The following CAST variants were observed in gnomAD, a reference collection of about 807,000 sequenced individuals.
CAST encodes MIR583 host.
In CAST, 76 loss-of-function variants were observed where a neutral mutation model predicts 119.6. The ratio of observed to expected loss-of-function variants is 0.64; its 90% CI spans 0.53 to 0.77. The LOEUF (loss-of-function observed/expected upper bound fraction) is 0.77, where lower values mean the gene tolerates loss of function less well. CAST is among the 30% of genes least tolerant of loss of function. The pLI is 0.00. For synonymous variants in CAST, 319 were observed against 331.6 expected (o/e 0.96, Z 0.41); for missense variants, 953 against 946.5 (o/e 1.01, Z -0.09).
chr5:96,444,871 A>G, the CAST span, among the ~76,000 whole-genome samples: 1 of 151,932 alleles, frequency 6.6e-6, no homozygotes, highest in African/African-American at 2.4e-5. Flanking sequence ...CCAGTTATCC[A>G]TGTTGCTAGA....
the CAST span, among the ~76,000 whole-genome samples, chr5:96,078,049 A>G: frequency 2.6e-5 from 4 of 152,190 alleles, no homozygotes; most frequent in Non-Finnish European, 5.9e-5. Context: ...TGTAACTATT[A>G]AATTGGTATA....
the CAST span, among the ~76,000 whole-genome samples, chr5:96,382,908 T>A: frequency 6.6e-6 from 1 of 152,114 alleles, no homozygotes; most frequent in African/African-American, 2.4e-5. Flanking sequence ...GGCTTCCCAA[T>A]TTCTAATTTC....
the CAST span, among the ~76,000 whole-genome samples, chr5:96,400,341 T>G: frequency 2.6e-5 from 4 of 152,220 alleles, no homozygotes; most frequent in African/African-American, 9.7e-5. Flanking sequence ...TCATATATCT[T>G]TTCATTCAGA....
the CAST span, among the ~76,000 whole-genome samples, chr5:96,425,207 T>C: frequency 6.6e-6 from 1 of 152,194 alleles, no homozygotes; most frequent in African/African-American, 2.4e-5. Flanking sequence ...TATTAGCCTA[T>C]ACTACTACCA....
the CAST span, among the ~76,000 whole-genome samples, chr5:96,495,389 G>A: frequency 1.3e-5 from 2 of 151,962 alleles, no homozygotes; most frequent in Non-Finnish European, 2.9e-5. Context: ...GCATGCATTA[G>A]GTAGTTGTCC....
At chr5:96,035,884 T>C in the CAST span, among the ~76,000 whole-genome samples, 88 of 152,110 alleles carry the variant, frequency 5.8e-4, no homozygotes, top group African/African-American at 2.1e-3. Flanking sequence ...CCTCTTAATA[T>C]GGAAGTGGCT....
At chr5:96,507,346 A>G in the CAST span, among the ~76,000 whole-genome samples, 6 of 152,218 alleles carry the variant, frequency 3.9e-5, no homozygotes, top group Admixed American at 3.9e-4. Flanking sequence ...GTAATAAGTC[A>G]TCACTTTGTA....
At chr5:96,329,484 A>G in the CAST span, among the ~76,000 whole-genome samples, 3 of 152,112 alleles carry the variant, frequency 2.0e-5, no homozygotes, top group Admixed American at 2.0e-4. Context: ...CAGATGCTGT[A>G]AATTTTACAG....
chr5:96,768,731 C>T (rs1484928673), intron 29 of CAST, among the ~76,000 whole-genome samples: 1 of 152,184 alleles, frequency 6.6e-6, no homozygotes, highest in Non-Finnish European at 1.5e-5. Flanking sequence ...GAGCTTCCTC[C>T]CCTTTTCTGT....
the CAST span, among the ~76,000 whole-genome samples, chr5:96,057,480 G>T: frequency 6.6e-6 from 1 of 152,030 alleles, no homozygotes; most frequent in Non-Finnish European, 1.5e-5. Flanking sequence ...TTTCCTTTCC[G>T]GAGTAATCAC....
chr5:96,671,285 GC>G (rs1424109163), intron 1 of CAST, among the ~76,000 whole-genome samples: 5 of 151,914 alleles, frequency 3.3e-5, no homozygotes, highest in Non-Finnish European at 5.9e-5. Context: ...CCTGTCTTTG[GC>G]CTCCTCTCTA....
chr5:96,150,354 G>T, the CAST span, among the ~76,000 whole-genome samples: 16 of 152,316 alleles, frequency 1.1e-4, no homozygotes, highest in African/African-American at 3.1e-4. Context: ...GTTCTTGGAG[G>T]TTTCAGTGTT....
the CAST span, among the ~76,000 whole-genome samples, chr5:96,066,423 G>T: frequency 2.0e-5 from 3 of 146,410 alleles, no homozygotes; most frequent in Admixed American, 6.8e-5. Context: ...TAATACCTCT[G>T]CACTTTCTGC....
intron 2 of CAST, among the ~76,000 whole-genome samples, chr5:96,692,019 A>C (rs141270114): frequency 6.6e-6 from 1 of 152,222 alleles, no homozygotes; most frequent in Non-Finnish European, 1.5e-5. Context: ...ACTACAATAG[A>C]TATACAAAAA....
At chr5:96,360,806 G>T in the CAST span, among the ~76,000 whole-genome samples, 1 of 152,220 alleles carries the variant, frequency 6.6e-6, no homozygotes, top group African/African-American at 2.4e-5. Context: ...GGAGGCACAG[G>T]GGTCAGGGAG....
the CAST span, among the ~76,000 whole-genome samples, chr5:96,252,011 G>A: frequency 6.6e-6 from 1 of 152,138 alleles, no homozygotes; most frequent in Non-Finnish European, 1.5e-5. Flanking sequence ...AAATAGACAA[G>A]AATGAAATGT....
At chr5:96,309,119 A>C in the CAST span, among the ~76,000 whole-genome samples, 1 of 152,220 alleles carries the variant, frequency 6.6e-6, no homozygotes, top group Non-Finnish European at 1.5e-5. Context: ...TAAGTCCCTG[A>C]CTGGGGCTGC....
chr5:96,173,964 G>A, the CAST span, among the ~76,000 whole-genome samples: 135 of 152,124 alleles, frequency 8.9e-4, 3 homozygotes, highest in East Asian at 0.024. Flanking sequence ...GGATGGTCTC[G>A]ATCACCTGAC....
At chr5:96,213,663 T>G in the CAST span, 118 of 152,314 alleles carry the variant, frequency 7.7e-4, no homozygotes, top group African/African-American at 2.6e-3. Context: ...TGATGGTACA[T>G]GCCTGTAGTT....
Sources: allele counts gnomAD v4.1 joint callset (sites outside exome capture counted in the v4.1 genomes callset), GRCh38; gene constraint gnomAD v4.1.1; transcripts MANE v1.5; gene names NCBI Gene and HGNC (gene_info 2026-07-23, HGNC 2026-07-21).